CAMK2D: variants seen among roughly 807,000 people sequenced by gnomAD.
CAMK2D encodes calcium/calmodulin dependent protein kinase II delta.
Under a neutral mutation model 84.0 loss-of-function variants are expected in CAMK2D, and 37 were observed. The observed-to-expected ratio is 0.44, with a 90% CI of 0.34 to 0.58. The LOEUF is 0.58. CAMK2D is among the 20% of genes least tolerant of loss of function. CAMK2D has a pLI of 0.02. For synonymous variants in CAMK2D, 202 were observed against 212.5 expected (o/e 0.95, Z 0.43); for missense variants, 448 against 652.5 (o/e 0.69, Z 3.41).
chr4:113,491,693 T>C (rs1329965395), intron 16 of CAMK2D, among the ~76,000 whole-genome samples: 2 of 152,214 alleles, frequency 1.3e-5, no homozygotes, highest in Admixed American at 6.5e-5. Context: ...TTTCTATTGA[T>C]TGGAATAGTT....
intron 2 of CAMK2D, among the ~76,000 whole-genome samples, chr4:113,712,009 A>G (rs2099494522): frequency 6.6e-6 from 1 of 152,146 alleles, no homozygotes; most frequent in African/African-American, 2.4e-5. Context: ...GCCCTTGTCT[A>G]AACACCTACC....
intron 2 of CAMK2D, among the ~76,000 whole-genome samples, chr4:113,738,746 C>CT (rs2099586702): frequency 6.6e-6 from 1 of 152,014 alleles, no homozygotes; most frequent in African/African-American, 2.4e-5. Flanking sequence ...CCAATATGAA[C>CT]TTTCCCATGT....
At chr4:113,594,330 C>A (rs1247861353) in intron 4 of CAMK2D, among the ~76,000 whole-genome samples, 2 of 152,116 alleles carry the variant, frequency 1.3e-5, no homozygotes, top group East Asian at 3.8e-4. Flanking sequence ...GGACACAGAT[C>A]CAAACCATAT....
chr4:113,542,419 TAAC>T (rs1463564622), intron 6 of CAMK2D, among the ~76,000 whole-genome samples: 2 of 152,110 alleles, frequency 1.3e-5, no homozygotes, highest in Non-Finnish European at 2.9e-5. Flanking sequence ...TACCCATGGT[TAAC>T]AAGAATTTAC....
intron 9 of CAMK2D, 130 bp from the exon 10 acceptor site, chr4:113,515,321 G>A: frequency 1.7e-6 from 1 of 582,804 alleles, no homozygotes; most frequent in Non-Finnish European, 2.9e-6. Flanking sequence ...TATAAGTTAA[G>A]TTGTATCTAA....
At chr4:113,537,814 A>G (rs978637956) in intron 6 of CAMK2D, among the ~76,000 whole-genome samples, 7 of 152,230 alleles carry the variant, frequency 4.6e-5, no homozygotes, top group African/African-American at 7.2e-5. Flanking sequence ...CATTTTCAGC[A>G]GAAGGAAACT....
intron 2 of CAMK2D, chr4:113,754,110 C>G: frequency 1.1e-6 from 1 of 875,142 alleles, no homozygotes; most frequent in Non-Finnish European, 1.4e-6. Flanking sequence ...ATATGTTTTA[C>G]AGTTAAAATA....
intron 5 of CAMK2D, among the ~76,000 whole-genome samples, chr4:113,551,198 C>G (rs1211477670): frequency 6.6e-6 from 1 of 152,152 alleles, no homozygotes; most frequent in Non-Finnish European, 1.5e-5. Flanking sequence ...TTACACCATG[C>G]AATCCAGTAA....
chr4:113,460,084 C>A, intron 18 of CAMK2D, 63 bp downstream of exon 18: 1 of 962,568 alleles, frequency 1.0e-6, no homozygotes, highest in South Asian at 1.3e-5. Context: ...AAATAATCTG[C>A]AAATTTGGGA....
intron 2 of CAMK2D, among the ~76,000 whole-genome samples, chr4:113,664,899 G>A (rs2099251742): frequency 6.6e-6 from 1 of 152,070 alleles, no homozygotes; most frequent in Admixed American, 6.5e-5. Context: ...CACCCCCCGG[G>A]TTCAAGCAAT....
At chr4:113,497,383 T>C (rs971858096) in intron 16 of CAMK2D, among the ~76,000 whole-genome samples, 1 of 152,178 alleles carries the variant, frequency 6.6e-6, no homozygotes, top group Non-Finnish European at 1.5e-5. Flanking sequence ...TTCAAAAGTA[T>C]TACACAGACT....
chr4:113,557,182 C>A (rs931315705), intron 4 of CAMK2D, among the ~76,000 whole-genome samples: 1 of 152,150 alleles, frequency 6.6e-6, no homozygotes, highest in East Asian at 1.9e-4. Context: ...TGCAATAACT[C>A]CTAATGGGCC....
In CAMK2D at chr4:113,731,646, C is replaced by T. The variant is rs1049762766; in HGVS notation, c.160+27674G>A. Among the ~76,000 whole-genome samples, 39 of 143,654 alleles carry T rather than the reference C, an allele frequency of 2.7e-4. 1 individual carries two copies. Among genetic ancestry groups the T allele is most frequent in the African/African-American group, 8.9e-4 (34 of 38,112 alleles). 94.2% of individuals were successfully genotyped at this position (143,654 alleles called of 152,430 possible). On this transcript the variant is annotated intron_variant, in intron 2 of 20. Coordinates refer to ENST00000511664, the MANE Select transcript of CAMK2D (RefSeq NM_001321571.2). The stretch of plus-strand genomic sequence containing the variant: ...TGTCCTCCAGGCTGGAGTGCAATGG[C>T]GTGATCTTGGCTCACTGCAACCTCC...
At chr4:113,714,847 T>A (rs2099508762) in intron 2 of CAMK2D, among the ~76,000 whole-genome samples, 1 of 152,144 alleles carries the variant, frequency 6.6e-6, no homozygotes, top group African/African-American at 2.4e-5. Context: ...CTGTCTTATA[T>A]CAGTACCAGC....
rs561935549 is a variant in CAMK2D, at chr4:113,542,581, G to A, written c.414+5063C>T. 1.8e-4 allele frequency among the ~76,000 whole-genome samples: 28 copies of A among 152,198 alleles called. No homozygotes were observed. In the South Asian group the frequency reaches 2.5e-3, roughly 14 times the overall value. On this transcript the variant is annotated intron_variant, in intron 6 of 20. Coordinates refer to ENST00000511664, the MANE Select transcript of CAMK2D (RefSeq NM_001321571.2). Reference sequence around the variant, plus strand: ...ATACAAAAAATTAATCGGGCATGGTGGCGGGCGCCTGTAGTCCCAGCTACT... The same window carrying A: ...ATACAAAAAATTAATCGGGCATGGTAGCGGGCGCCTGTAGTCCCAGCTACT...
chr4:113,675,092 C>T (rs1054626432), intron 2 of CAMK2D, among the ~76,000 whole-genome samples: 1 of 152,168 alleles, frequency 6.6e-6, no homozygotes, highest in African/African-American at 2.4e-5. Context: ...AGAAACTCTT[C>T]TTTTCACATA....
chr4:113,695,815 T>C (rs1217603505), intron 2 of CAMK2D, among the ~76,000 whole-genome samples: 1 of 152,034 alleles, frequency 6.6e-6, no homozygotes, highest in Non-Finnish European at 1.5e-5. Context: ...ACAGATAACA[T>C]TATCCCTGCA....
chr4:113,482,049 T>C lies in CAMK2D; in HGVS notation c.1136-16445A>G, dbSNP rs557635586. ...ATGTCTGAAGGAGCCCTGGTCATGG[T>C]AGGCCTTTTAATAGATTCTGATGTC... is the stretch of plus-strand genomic sequence containing the variant. On this transcript the variant is annotated intron_variant, in intron 16 of 20. Coordinates refer to ENST00000511664, the MANE Select transcript of CAMK2D (RefSeq NM_001321571.2). 3.9e-5 allele frequency among the ~76,000 whole-genome samples: 6 copies of C among 152,314 alleles called. No homozygotes were observed. The East Asian group carries it at 1.2e-3, about 29-fold the overall frequency.
intron 3 of CAMK2D, among the ~76,000 whole-genome samples, chr4:113,620,279 G>A (rs752381937): frequency 1.3e-5 from 2 of 152,116 alleles, no homozygotes; most frequent in African/African-American, 2.4e-5. Flanking sequence ...CAGCTCACTC[G>A]AGAGTCAGAC....
Sources: allele counts gnomAD v4.1 joint callset (sites outside exome capture counted in the v4.1 genomes callset), GRCh38; gene constraint gnomAD v4.1.1; transcripts MANE v1.5; gene names NCBI Gene and HGNC (gene_info 2026-07-23, HGNC 2026-07-21).